Variants in DYNC2H1 observed in about 807,000 individuals in gnomAD.
The protein encoded by DYNC2H1 is dynein cytoplasmic 2 heavy chain 1.
In DYNC2H1, 410 loss-of-function variants were observed where a neutral mutation model predicts 570.0. The observed-to-expected ratio is 0.72, with a 90% CI of 0.66 to 0.78. DYNC2H1 has a LOEUF of 0.78. Among genes scored for constraint, DYNC2H1 ranks in the 30% least tolerant of loss-of-function variants. The pLI, the probability that DYNC2H1 is intolerant of heterozygous loss-of-function variation, is 0.00. For synonymous variants in DYNC2H1, 1,688 were observed against 1,677.6 expected (o/e 1.01, Z -0.15); for missense variants, 4,865 against 5,046.4 (o/e 0.96, Z 1.09).
intron 82 of DYNC2H1, among the ~76,000 whole-genome samples, chr11:103,328,624 C>T (rs1401173816): frequency 1.3e-5 from 2 of 152,062 alleles, no homozygotes; most frequent in Non-Finnish European, 2.9e-5. Context: ...CAATTTTGTA[C>T]AAATATGAAG....
At chr11:103,316,648 A>C in intron 80 of DYNC2H1, 28 bp downstream of exon 80, 61 of 1,424,334 alleles carry the variant, frequency 4.3e-5, no homozygotes, top group Non-Finnish European at 5.5e-5. Context: ...TTTTAATCTC[A>C]TATTAATAAA....
chr11:103,171,044 T>C lies in DYNC2H1; in HGVS notation c.5310T>C (p.Thr1770=). ...AAGATGCTTTGAAGAATCATAGAAC[T>C]GTATGTGAACTGCTTGGCAAGGAGG... ...TIQDALKNHR[T]VCELLGKEVE... The change falls in exon 34 of 89, where the codon ACT becomes ACC. Residue 1770 remains threonine, a synonymous_variant. Transcript: ENST00000375735. The C allele has an allele frequency of 1.2e-6, 2 of 1,608,584 alleles. No individual in the cohort carries two copies. Among genetic ancestry groups the C allele is most frequent in the Non-Finnish European group, 1.7e-6 (2 of 1,176,568 alleles).
chr11:103,145,789 G>C lies in DYNC2H1; in HGVS notation c.2703-1983G>C, dbSNP rs956448354. Among the ~76,000 whole-genome samples the C allele has an allele frequency of 6.6e-5, 10 of 152,118 alleles. No individual in the cohort carries two copies. The highest frequency in any genetic ancestry group is 1.5e-4 in the Non-Finnish European group (10 of 68,024). On this transcript the variant is annotated intron_variant, in intron 18 of 88. Coordinates refer to ENST00000375735, the MANE Select transcript of DYNC2H1 (RefSeq NM_001377.3). The surrounding 1 kb of genome is among the most constrained non-coding windows in gnomAD (Gnocchi z 4.2). ...AAATCATTTTTGAATATGCATCTTT[G>C]ATATATAATGAGTCATCTTCCATTT... is the stretch of plus-strand genomic sequence containing the variant.
intron 83 of DYNC2H1, among the ~76,000 whole-genome samples, chr11:103,362,320 CTTTT>C (rs879453459): frequency 8.9e-4 from 64 of 71,606 alleles, no homozygotes; most frequent in East Asian, 8.7e-3. Context: ...TAATTTTTTT[CTTTT>C]TTTTTTTTCT....
chr11:103,428,202 A>ATTG (rs1177489738), intron 84 of DYNC2H1, among the ~76,000 whole-genome samples: 1 of 128,202 alleles, frequency 7.8e-6, no homozygotes. Flanking sequence ...TTTTTTTTTC[A>ATTG]GAATATCTGA....
Position 103,243,485 on chromosome 11 carries a change from C to T in DYNC2H1, c.9820-208C>T, listed in dbSNP as rs2135225034. On this transcript the variant is annotated intron_variant, in intron 63 of 88. Transcript: ENST00000375735. This position sits in a 1 kb window ranked among gnomAD's most constrained non-coding sequence, Gnocchi z 4.8. ...TAAATGTAATTACCTAATATTAACT[C>T]CTGGTCACTGAAGATTTGTTAATAT... 6.6e-6 allele frequency among the ~76,000 whole-genome samples: 1 copy of T among 152,222 alleles called. No homozygotes were observed. The highest frequency in any genetic ancestry group is 2.4e-5 in the African/African-American group (1 of 41,550).
chr11:103,246,368 A>G (rs138715722), intron 65 of DYNC2H1, among the ~76,000 whole-genome samples: 5 of 152,098 alleles, frequency 3.3e-5, no homozygotes, highest in African/African-American at 4.8e-5. Context: ...TCTTCATTCT[A>G]TACTGTGGTC....
chr11:103,268,172 A>G lies in DYNC2H1; in HGVS notation c.10695+8195A>G, dbSNP rs1237049024. 6.6e-6 allele frequency among the ~76,000 whole-genome samples: 1 copy of G among 152,014 alleles called. No individual in the cohort carries two copies. Among genetic ancestry groups the G allele is most frequent in the East Asian group, 1.9e-4 (1 of 5,194 alleles). ...TTGAATATTAGCAGATTGCTTTCTG[A>G]AAAGCTTTTTACCAGTTAATATCTC... On this transcript the variant is annotated intron_variant, in intron 70 of 88. Transcript: ENST00000375735. The surrounding 1 kb of genome is among the most constrained non-coding windows in gnomAD (Gnocchi z 4.6).
rs745681732 is a variant in DYNC2H1, at chr11:103,176,298, C to G, written c.5738C>G (p.Thr1913Ser). Residue 1913 changes from threonine (T) to serine (S), a missense_variant, in exon 37 of 89, where the codon ACT becomes AGT. Transcript: ENST00000375735. ...RLNTMSKFTF[T>S]DCTRFDALIK... ...AATACCATGTCAAAGTTTACGTTTA[C>G]TGATTGCACCCGGTTTGATGCACTG... 6.5e-7 allele frequency: 1 copy of G among 1,550,236 alleles called. No homozygotes were observed. The highest frequency in any genetic ancestry group is 8.7e-7 in the Non-Finnish European group (1 of 1,147,070).
At chr11:103,137,009 C>A (rs1591297691) in intron 17 of DYNC2H1, among the ~76,000 whole-genome samples, 1 of 150,970 alleles carries the variant, frequency 6.6e-6, no homozygotes, top group South Asian at 2.1e-4. Context: ...TGTTTTTTGG[C>A]TGCATAAATG....
intron 63 of DYNC2H1, among the ~76,000 whole-genome samples, chr11:103,240,052 T>TGGCC (rs748935506): frequency 6.6e-6 from 1 of 152,146 alleles, no homozygotes; most frequent in East Asian, 1.9e-4. Flanking sequence ...AATCCTCCAG[T>TGGCC]GGCCAGTTAT....
chr11:103,413,314 C>T (rs1479740100), intron 84 of DYNC2H1, among the ~76,000 whole-genome samples: 1 of 152,128 alleles, frequency 6.6e-6, no homozygotes, highest in African/African-American at 2.4e-5. Flanking sequence ...ACTATTTTAA[C>T]AAATAATTAT....
chr11:103,188,154 T>C (rs1332711950), intron 43 of DYNC2H1, among the ~76,000 whole-genome samples: 1 of 152,080 alleles, frequency 6.6e-6, no homozygotes, highest in Non-Finnish European at 1.5e-5. Context: ...TGATAAAATA[T>C]TTACAGAAAA....
At chr11:103,448,475 A>AT (rs1944498041) in intron 85 of DYNC2H1, among the ~76,000 whole-genome samples, 1 of 152,174 alleles carries the variant, frequency 6.6e-6, no homozygotes. Context: ...GAAATTTAGA[A>AT]TAAGTAAAGG....
chr11:103,432,166 T>A (rs529464080), intron 84 of DYNC2H1, among the ~76,000 whole-genome samples: 1 of 152,264 alleles, frequency 6.6e-6, no homozygotes, highest in East Asian at 1.9e-4. Context: ...AATCCACTTT[T>A]GATTGTATAT....
chr11:103,240,263 G>A (rs992562267), intron 63 of DYNC2H1, among the ~76,000 whole-genome samples: 1 of 152,008 alleles, frequency 6.6e-6, no homozygotes, highest in Non-Finnish European at 1.5e-5. Context: ...ACCATTATTA[G>A]AGTTTATGTT....
chr11:103,413,461 T>A (rs1943166629), intron 84 of DYNC2H1, among the ~76,000 whole-genome samples: 1 of 152,204 alleles, frequency 6.6e-6, no homozygotes, highest in Non-Finnish European at 1.5e-5. Context: ...CTCATCCTGC[T>A]TTTACTTAAG....
intron 6 of DYNC2H1, among the ~76,000 whole-genome samples, chr11:103,119,620 G>A (rs980398383): frequency 1.3e-5 from 2 of 152,148 alleles, no homozygotes; most frequent in Admixed American, 6.5e-5. Context: ...GATTACAGGC[G>A]TGAGCCACTG....
chr11:103,430,393 G>T (rs1782113542), intron 84 of DYNC2H1, among the ~76,000 whole-genome samples: 1 of 152,056 alleles, frequency 6.6e-6, no homozygotes, highest in Non-Finnish European at 1.5e-5. Context: ...ACATATAAGT[G>T]CTATACAAGT....
Sources: gnomAD v4.1 joint callset for allele counts (sites outside exome capture counted in the v4.1 genomes callset) on GRCh38, gnomAD v4.1.1 for gene constraint, Gnocchi (gnomAD v3.1) non-coding constraint, MANE v1.5 for transcripts, NCBI Gene and HGNC (gene_info 2026-07-23, HGNC 2026-07-21) for gene names.